The following PDE8B variants were observed in gnomAD, a reference collection of about 807,000 sequenced individuals.
The protein encoded by PDE8B is high affinity cAMP-specific and IBMX-insensitive 3',5'-cyclic phosphodiesterase 8B.
A neutral mutation model predicts 101.3 loss-of-function variants in PDE8B; 26 were observed. That is an observed-to-expected ratio of 0.26 (90% CI 0.19 to 0.36). The LOEUF is 0.36. Among genes scored for constraint, PDE8B ranks in the 10% least tolerant of loss-of-function variants. The pLI is 1.00. For missense variants in PDE8B, 810 were observed against 1,163.1 expected (o/e 0.70, Z 4.42); for synonymous variants, 424 against 429.3 (o/e 0.99, Z 0.15).
chr5:77,201,389 G>A, the PDE8B span, among the ~76,000 whole-genome samples: 4 of 152,222 alleles, frequency 2.6e-5, no homozygotes, highest in Admixed American at 1.3e-4. Flanking sequence ...ACCATTTCTC[G>A]TTCCAAGTAC....
At chr5:77,186,515 G>A in the PDE8B span, among the ~76,000 whole-genome samples, 50,036 of 152,062 alleles carry the variant, frequency 0.33, 8,831 homozygotes, top group Non-Finnish European at 0.39. Flanking sequence ...ACCTTTTCCC[G>A]TTGACCTGCC....
At chr5:77,150,997 T>C in the PDE8B span, among the ~76,000 whole-genome samples, 2 of 152,202 alleles carry the variant, frequency 1.3e-5, no homozygotes, top group African/African-American at 4.8e-5. Flanking sequence ...TCTAAATCCA[T>C]AGAATTGTGT....
chr5:77,363,128 C>T (rs1783444695), intron 10 of PDE8B, among the ~76,000 whole-genome samples: 1 of 152,190 alleles, frequency 6.6e-6, no homozygotes, highest in Non-Finnish European at 1.5e-5. Context: ...GCATTTCATA[C>T]ATTAACTCCT....
chr5:77,225,880 ACCC>A (rs879406471), intron 1 of PDE8B, among the ~76,000 whole-genome samples: 6 of 100,718 alleles, frequency 6.0e-5, no homozygotes, highest in African/African-American at 2.7e-4. Context: ...ACACACACAC[ACCC>A]CACGCACACA....
At chr5:77,159,611 G>C in the PDE8B span, among the ~76,000 whole-genome samples, 2 of 152,150 alleles carry the variant, frequency 1.3e-5, no homozygotes, top group African/African-American at 4.8e-5. Flanking sequence ...TTGGGGATTG[G>C]TGCGTTTGCA....
intron 10 of PDE8B, among the ~76,000 whole-genome samples, chr5:77,369,807 C>T (rs1033907028): frequency 6.6e-6 from 1 of 152,306 alleles, no homozygotes; most frequent in Admixed American, 6.5e-5. Flanking sequence ...ACATGAAGTA[C>T]ACTCAGCCAC....
chr5:77,354,045 T>A (rs562692384), intron 10 of PDE8B, among the ~76,000 whole-genome samples: 24 of 152,370 alleles, frequency 1.6e-4, no homozygotes, highest in African/African-American at 5.1e-4. Context: ...TTATCAGTGA[T>A]CTATTTTTGA....
the PDE8B span, among the ~76,000 whole-genome samples, chr5:77,097,724 T>TATATATATATATATATATATAG: frequency 2.1e-5 from 1 of 48,744 alleles, no homozygotes; most frequent in Admixed American, 3.7e-4. Flanking sequence ...TATATATATA[T>TATATATATATATATATATATAG]ATATATATAC....
chr5:77,328,633 C>T (rs1776507114), intron 3 of PDE8B, among the ~76,000 whole-genome samples: 1 of 152,124 alleles, frequency 6.6e-6, no homozygotes, highest in Admixed American at 6.5e-5. Flanking sequence ...AGTGAGCTCC[C>T]CCAGGTACAT....
chr5:77,311,811 T>TA lies in PDE8B; in HGVS notation c.340-181dup, dbSNP rs397757658. Among the ~76,000 whole-genome samples, 16 of 151,900 alleles carry TA rather than the reference T, an allele frequency of 1.1e-4. 1 individual carries two copies. The highest frequency in any genetic ancestry group is 2.0e-4 in the Admixed American group (3 of 15,242). On this transcript the variant is annotated intron_variant, in intron 1 of 21. Coordinates refer to ENST00000264917, the MANE Select transcript of PDE8B (RefSeq NM_003719.5). ...TGCATATAAATGGATACTTTTTTTT[T>TA]AATACAAAAACAGGACTGTGCTATA... is the stretch of plus-strand genomic sequence containing the variant.
At chr5:77,409,974 G>GC (rs1454557282) in intron 14 of PDE8B, among the ~76,000 whole-genome samples, 3 of 152,272 alleles carry the variant, frequency 2.0e-5, no homozygotes, top group African/African-American at 7.2e-5. Flanking sequence ...AGGCAGCACT[G>GC]CCAAGGGCTC....
intron 10 of PDE8B, 104 bp from the exon 11 acceptor site, chr5:77,400,144 T>C (rs1791943202): frequency 2.4e-6 from 2 of 820,550 alleles, no homozygotes; most frequent in Non-Finnish European, 4.3e-6. Context: ...TCTTGCTTTC[T>C]TCAAGTCTTC....
intron 1 of PDE8B, among the ~76,000 whole-genome samples, chr5:77,256,953 A>G (rs1045531275): frequency 6.6e-6 from 1 of 152,232 alleles, no homozygotes; most frequent in African/African-American, 2.4e-5. Flanking sequence ...AGAATAATTT[A>G]TTAAATCCCT....
At chr5:77,405,014 A>C (rs1317390355) in intron 12 of PDE8B, among the ~76,000 whole-genome samples, 1 of 152,234 alleles carries the variant, frequency 6.6e-6, no homozygotes, top group Non-Finnish European at 1.5e-5. Flanking sequence ...GAGGGACTCC[A>C]TGCTTGTTCC....
chr5:77,368,021 C>G (rs184134984), intron 10 of PDE8B, among the ~76,000 whole-genome samples: 1 of 152,258 alleles, frequency 6.6e-6, no homozygotes, highest in Non-Finnish European at 1.5e-5. Context: ...CTAATATGTC[C>G]CCATGTGAGA....
chr5:77,325,808 T>C, intron 3 of PDE8B, 79 bp downstream of exon 3: 1 of 997,110 alleles, frequency 1.0e-6, no homozygotes, highest in Non-Finnish European at 1.6e-6. Context: ...ATATCTTTAG[T>C]TTATTTCAAA....
chr5:77,259,290 T>A (rs991213249), intron 1 of PDE8B, among the ~76,000 whole-genome samples: 1 of 152,088 alleles, frequency 6.6e-6, no homozygotes, highest in East Asian at 1.9e-4. Context: ...TCTAAAGACA[T>A]TGTCCACTTG....
At chr5:77,304,434 T>G (rs1468271482) in intron 1 of PDE8B, among the ~76,000 whole-genome samples, 3 of 152,204 alleles carry the variant, frequency 2.0e-5, no homozygotes, top group Non-Finnish European at 2.9e-5. Flanking sequence ...CTAGTATTTT[T>G]GGGTTTTTAT....
chr5:77,252,266 C>T (rs1758219777), intron 1 of PDE8B, among the ~76,000 whole-genome samples: 1 of 152,226 alleles, frequency 6.6e-6, no homozygotes, highest in Non-Finnish European at 1.5e-5. Context: ...CTACATTCTC[C>T]ACTTTTGGTG....
Sources: allele counts gnomAD v4.1 joint callset (sites outside exome capture counted in the v4.1 genomes callset), GRCh38; gene constraint gnomAD v4.1.1; transcripts MANE v1.5; gene names NCBI Gene and HGNC (gene_info 2026-07-23, HGNC 2026-07-21).